HIVEP3: variants seen among roughly 807,000 people sequenced by gnomAD.
The protein encoded by HIVEP3 is HIVEP zinc finger 3, also known as transcription factor HIVEP3.
HIVEP3 carries 49 observed loss-of-function variants against 152.8 expected under a neutral mutation model. That is an observed-to-expected ratio of 0.32 (90% confidence interval 0.26 to 0.41). The LOEUF (loss-of-function observed/expected upper bound fraction) is 0.41, where lower values mean the gene tolerates loss of function less well. Ranked by LOEUF, HIVEP3 falls within the 10% of genes least tolerant of loss-of-function variation. The probability of loss-of-function intolerance (pLI) is 1.00; values close to 1 mark genes in which losing one functional copy is unlikely to be tolerated. For synonymous variants in HIVEP3, 1,269 were observed against 1,289.0 expected (o/e 0.98, Z 0.33); for missense variants, 2,790 against 3,103.3 (o/e 0.90, Z 2.40).
chr1:41,580,667 C>A lies in HIVEP3; in HGVS notation c.4131G>T (p.Gly1377=). ...TVCGADVHEV[G]PGPSGLSEEQ... ...CTTCACTTAACCCAGAAGGGCCGGG[C>A]CCAACCTCATGCACATCTGCACCAC... Residue 1377 remains glycine, a synonymous_variant, in exon 4 of 9, where the codon GGG becomes GGT. Transcript: ENST00000372583. The A allele has an allele frequency of 6.2e-7, 1 of 1,613,484 alleles. No homozygotes were observed. Among genetic ancestry groups the A allele is most frequent in the African/African-American group, 1.3e-5 (1 of 75,032 alleles).
intron 1 of HIVEP3, among the ~76,000 whole-genome samples, chr1:41,768,503 T>A (rs1570494309): frequency 6.6e-6 from 1 of 152,234 alleles, no homozygotes; most frequent in East Asian, 1.9e-4. Flanking sequence ...GGAGACCCAG[T>A]TAGATAGTTC....
chr1:41,960,948 A>G (rs1645166266), intron 1 of HIVEP3, among the ~76,000 whole-genome samples: 1 of 152,116 alleles, frequency 6.6e-6, no homozygotes, highest in South Asian at 2.1e-4. Context: ...TATCCATCCC[A>G]TGGAGAGTTG....
chr1:41,635,818 A>T (rs977408856), intron 2 of HIVEP3, among the ~76,000 whole-genome samples: 2 of 151,838 alleles, frequency 1.3e-5, no homozygotes, highest in Non-Finnish European at 2.9e-5. Context: ...ATCAAAGAGA[A>T]TTTGATACAT....
At chr1:41,941,186 T>C (rs1384052017) in intron 1 of HIVEP3, among the ~76,000 whole-genome samples, 1 of 152,086 alleles carries the variant, frequency 6.6e-6, no homozygotes, top group Non-Finnish European at 1.5e-5. Context: ...GAAGTTTTAC[T>C]GTGAAGGGAA....
intron 1 of HIVEP3, among the ~76,000 whole-genome samples, chr1:42,009,285 T>C (rs1384273607): frequency 6.6e-6 from 1 of 152,198 alleles, no homozygotes; most frequent in East Asian, 1.9e-4. Flanking sequence ...AATAATGTCG[T>C]TTCCCCTGTT....
chr1:41,527,013 AC>A (rs1642973895), intron 5 of HIVEP3, among the ~76,000 whole-genome samples: 1 of 43,298 alleles, frequency 2.3e-5, no homozygotes, highest in Non-Finnish European at 4.3e-5. Flanking sequence ...ACTCGCTTAC[AC>A]CCCCACACTC....
intron 1 of HIVEP3, among the ~76,000 whole-genome samples, chr1:41,732,664 C>T (rs1424667171): frequency 6.6e-6 from 1 of 152,118 alleles, no homozygotes; most frequent in Admixed American, 6.5e-5. Flanking sequence ...TCTTGCTGGG[C>T]TCTGTGCCTG....
chr1:41,513,020 C>T lies in HIVEP3; in HGVS notation c.6201G>A (p.Ser2067=), dbSNP rs1422354418. 1.9e-6 allele frequency: 3 copies of T among 1,613,288 alleles called. No homozygotes were observed. The highest frequency in any genetic ancestry group is 2.5e-6 in the Non-Finnish European group (3 of 1,179,576). Residue 2067 remains serine, a synonymous_variant, in exon 8 of 9, where the codon TCG becomes TCA. Transcript: ENST00000372583. ...GTTDPGLPRY[S]PTRRWSPGQA... Reference sequence around the variant, plus strand: ...GACCTGGAGACCATCTCCTGGTGGGCGAGTATCTGGGGAGGCCTGGGTCGG... The same window carrying T: ...GACCTGGAGACCATCTCCTGGTGGGTGAGTATCTGGGGAGGCCTGGGTCGG...
chr1:41,649,297 T>C (rs1645509350), intron 2 of HIVEP3, among the ~76,000 whole-genome samples: 1 of 152,334 alleles, frequency 6.6e-6, no homozygotes, highest in Non-Finnish European at 1.5e-5. Flanking sequence ...AAGAATCCTC[T>C]GGGTTGCAGA....
At chr1:41,896,418 AC>A (rs1644527962) in intron 1 of HIVEP3, among the ~76,000 whole-genome samples, 1 of 152,156 alleles carries the variant, frequency 6.6e-6, no homozygotes, top group East Asian at 1.9e-4. Context: ...TTTCCTGTCA[AC>A]ACATGTGGAG....
chr1:41,914,711 T>G (rs981052607), intron 1 of HIVEP3, among the ~76,000 whole-genome samples: 2 of 152,112 alleles, frequency 1.3e-5, no homozygotes, highest in African/African-American at 4.8e-5. Context: ...ACCATAAGGG[T>G]GTGGCCATGA....
At chr1:41,769,852 G>A (rs370843861) in intron 1 of HIVEP3, among the ~76,000 whole-genome samples, 1 of 152,168 alleles carries the variant, frequency 6.6e-6, no homozygotes, top group African/African-American at 2.4e-5. Flanking sequence ...TCTTACAAAA[G>A]AATTCTAAGT....
intron 1 of HIVEP3, among the ~76,000 whole-genome samples, chr1:41,991,350 T>C (rs1316360018): frequency 1.3e-5 from 2 of 150,802 alleles, no homozygotes; most frequent in East Asian, 1.9e-4. Flanking sequence ...CAAACTACCA[T>C]CAGAGAATAC....
At chr1:41,651,360 G>A (rs893850571) in intron 2 of HIVEP3, among the ~76,000 whole-genome samples, 5 of 144,026 alleles carry the variant, frequency 3.5e-5, no homozygotes, top group South Asian at 4.4e-4. Flanking sequence ...GCAGTGACCC[G>A]AGATAGCACC....
At chr1:41,784,134 C>T (rs1649209581) in intron 1 of HIVEP3, among the ~76,000 whole-genome samples, 1 of 152,114 alleles carries the variant, frequency 6.6e-6, no homozygotes. Flanking sequence ...GAGCAGGGTT[C>T]CTGGGGGAAG....
intron 2 of HIVEP3, among the ~76,000 whole-genome samples, chr1:41,669,702 A>T (rs1238912276): frequency 6.6e-6 from 1 of 152,126 alleles, no homozygotes; most frequent in African/African-American, 2.4e-5. Context: ...AACTTATACC[A>T]TTGGCTTTCC....
chr1:41,860,191 G>A (rs78825924), intron 1 of HIVEP3, among the ~76,000 whole-genome samples: 311 of 152,244 alleles, frequency 2.0e-3, no homozygotes, highest in African/African-American at 6.9e-3. Context: ...CAGTTATATC[G>A]GAGAGAAGAG....
At chr1:41,545,408 TACC>T (rs57520011) in intron 5 of HIVEP3, among the ~76,000 whole-genome samples, 1 of 87,494 alleles carries the variant, frequency 1.1e-5, no homozygotes, top group Non-Finnish European at 2.2e-5. Flanking sequence ...CTACCACCAA[TACC>T]ACCATCGCTA....
intron 1 of HIVEP3, among the ~76,000 whole-genome samples, chr1:41,767,828 T>C (rs1458361009): frequency 6.6e-6 from 1 of 152,240 alleles, no homozygotes; most frequent in Non-Finnish European, 1.5e-5. Context: ...TGTCCATCCT[T>C]AGTACAGTTT....
Sources: allele counts gnomAD v4.1 joint callset (sites outside exome capture counted in the v4.1 genomes callset), GRCh38; gene constraint gnomAD v4.1.1; transcripts MANE v1.5; gene names NCBI Gene and HGNC (gene_info 2026-07-23, HGNC 2026-07-21).